The following CHD7 variants were observed in gnomAD, a reference collection of about 807,000 sequenced individuals.
CHD7 encodes the protein chromodomain helicase DNA binding protein 7.
In CHD7, 24 loss-of-function variants were observed where a neutral mutation model predicts 307.3. The observed-to-expected ratio is 0.08, with a 90% CI of 0.06 to 0.11. CHD7 has a LOEUF of 0.11. Among genes scored for constraint, CHD7 ranks in the 10% least tolerant of loss-of-function variants. The pLI is 1.00. For missense variants in CHD7, 3,106 were observed against 3,727.1 expected (o/e 0.83, Z 4.34); for synonymous variants, 1,363 against 1,349.9 (o/e 1.01, Z -0.21).
intron 8 of CHD7, among the ~76,000 whole-genome samples, chr8:60,818,272 A>C (rs1803839886): frequency 6.6e-6 from 1 of 152,228 alleles, no homozygotes; most frequent in Non-Finnish European, 1.5e-5. Flanking sequence ...GCCTGCTGCA[A>C]CTAAAAATGT....
intron 2 of CHD7, among the ~76,000 whole-genome samples, chr8:60,770,692 T>C (rs1302854101): frequency 1.3e-5 from 2 of 152,320 alleles, no homozygotes; most frequent in South Asian, 2.1e-4. Context: ...CTCCCTGTGA[T>C]GATTTACATG....
chr8:60,720,960 C>T (rs1475225995), intron 1 of CHD7, among the ~76,000 whole-genome samples: 1 of 152,204 alleles, frequency 6.6e-6, no homozygotes, highest in African/African-American at 2.4e-5. Flanking sequence ...CAGCCTGGAT[C>T]CTCATCAGTT....
At chr8:60,773,913 T>G (rs1403490767) in intron 2 of CHD7, among the ~76,000 whole-genome samples, 1 of 152,236 alleles carries the variant, frequency 6.6e-6, no homozygotes, top group African/African-American at 2.4e-5. Flanking sequence ...AGTTCGGAAC[T>G]AAACTAGAGT....
At chr8:60,847,777 G>A (rs1805279195) in intron 23 of CHD7, among the ~76,000 whole-genome samples, 1 of 151,920 alleles carries the variant, frequency 6.6e-6, no homozygotes, top group African/African-American at 2.4e-5. Flanking sequence ...TTAAAAAATC[G>A]ATTTCTTGAG....
At chr8:60,720,051 G>A (rs565343016) in intron 1 of CHD7, among the ~76,000 whole-genome samples, 1 of 152,276 alleles carries the variant, frequency 6.6e-6, no homozygotes, top group South Asian at 2.1e-4. Flanking sequence ...AGGTTGCAGA[G>A]TGTGAGCATA....
Position 60,853,483 on chromosome 8 carries a change from A to G in CHD7, c.6758A>G (p.Glu2253Gly), listed in dbSNP as rs1805571750. ...CTGGAGGATGACGATAAGTCGGAAG[A>G]GTCTTCCCAGCCCGAAGGTAAGGCC... ...EKLEDDDKSEESSQPEAGAVS... is the reference protein window; with the variant it reads ...EKLEDDDKSEGSSQPEAGAVS... Residue 2253 changes from glutamate (E) to glycine (G), a missense_variant, in exon 31 of 38, where the codon GAG (glutamate) becomes GGG (glycine). Around this residue, in one of 10 missense-constraint regions of CHD7, gnomAD observed 1,030 missense variants for 1,165.4 expected, o/e 0.88. Coordinates refer to ENST00000423902, the MANE Select transcript of CHD7 (RefSeq NM_017780.4). The G allele has an allele frequency of 1.3e-6, 2 of 1,514,176 alleles. No individual in the cohort carries two copies. 93.8% of individuals were successfully genotyped at this position (1,514,176 alleles called of 1,614,324 possible).
At chr8:60,761,392 A>G (rs1810197261) in intron 2 of CHD7, among the ~76,000 whole-genome samples, 2 of 151,526 alleles carry the variant, frequency 1.3e-5, no homozygotes, top group South Asian at 4.2e-4. Flanking sequence ...ACCTAATGCT[A>G]AATGACAAGT....
At chr8:60,707,855 A>G (rs1807092994) in intron 1 of CHD7, among the ~76,000 whole-genome samples, 1 of 152,204 alleles carries the variant, frequency 6.6e-6, no homozygotes, top group Admixed American at 6.5e-5. Context: ...TGTACCTTAA[A>G]TACAATTTTC....
At position 60,865,329 on chromosome 8, in the gene CHD7, C is replaced by T; in HGVS notation, c.8390C>T (p.Pro2797Leu). ...GDAKNPAAVL[P>L]LMLPGMAGLP... ...GCGAAGAACCCTGCTGCTGTGCTGCCCCTGATGCTGCCAGGAATGGCGGGC... is the reference window on the plus strand; with the variant it reads ...GCGAAGAACCCTGCTGCTGTGCTGCTCCTGATGCTGCCAGGAATGGCGGGC... The change falls in exon 38 of 38, where the codon CCC (proline) becomes CTC (leucine). Residue 2797 changes from proline to leucine, a missense_variant. Physicochemically the swap from Pro to Leu is moderately conservative, Grantham distance 98. This residue lies in a region of CHD7 where 351 missense variants were observed against 366.2 expected (regional missense o/e 0.96). Transcript: ENST00000423902. This position sits in a 1 kb window ranked among gnomAD's most constrained non-coding sequence, Gnocchi z 4.3. 6.2e-7 allele frequency: 1 copy of T among 1,612,356 alleles called. No homozygotes were observed. The highest frequency in any genetic ancestry group is 8.5e-7 in the Non-Finnish European group (1 of 1,179,384).
At chr8:60,790,371 TG>T (rs1406746560) in intron 3 of CHD7, among the ~76,000 whole-genome samples, 1 of 152,178 alleles carries the variant, frequency 6.6e-6, no homozygotes, top group Non-Finnish European at 1.5e-5. Flanking sequence ...TTATCAGTAA[TG>T]ATGTGAGATA....
intron 4 of CHD7, among the ~76,000 whole-genome samples, chr8:60,795,724 C>T (rs1165588582): frequency 1.3e-5 from 2 of 152,160 alleles, no homozygotes; most frequent in African/African-American, 2.4e-5. Flanking sequence ...CTGAAGTAAA[C>T]GTGAGGAATG....
In CHD7 at chr8:60,838,237, A is replaced by C. The variant is rs764834051; in HGVS notation, c.4515A>C (p.Lys1505Asn). 1 of 1,603,998 alleles carries C rather than the reference A, an allele frequency of 6.2e-7. No homozygotes were observed. The highest frequency in any genetic ancestry group is 8.5e-7 in the Non-Finnish European group (1 of 1,175,208). Residue 1505 changes from lysine to asparagine, a missense_variant, in exon 19 of 38, where the codon AAA becomes AAC. By Grantham distance (94) the Lys-to-Asn change is moderately conservative (BLOSUM62 0). Transcript: ENST00000423902. ...THTITIESEG[K>N]GSTFAKASFV... ...CCATTACCATTGAGTCAGAAGGGAA[A>C]GGTTCCACATTTGCTAAGGTGTGAA... is the stretch of plus-strand genomic sequence containing the variant.
intron 1 of CHD7, among the ~76,000 whole-genome samples, chr8:60,698,767 C>T (rs1435829127): frequency 1.3e-5 from 2 of 152,124 alleles, no homozygotes; most frequent in Non-Finnish European, 2.9e-5. Flanking sequence ...TATGACTTGA[C>T]TTTTCTTCTC....
intron 2 of CHD7, among the ~76,000 whole-genome samples, chr8:60,745,033 T>G (rs1017886526): frequency 6.7e-6 from 1 of 150,246 alleles, no homozygotes; most frequent in East Asian, 2.0e-4. Context: ...GCAGCTTCCC[T>G]GAAGACCTTG....
At chr8:60,698,462 G>A (rs1205275944) in intron 1 of CHD7, among the ~76,000 whole-genome samples, 1 of 152,204 alleles carries the variant, frequency 6.6e-6, no homozygotes, top group African/African-American at 2.4e-5. Flanking sequence ...TTAGAGGTTG[G>A]AGGAGGTAAT....
intron 4 of CHD7, among the ~76,000 whole-genome samples, 187 bp downstream of exon 4, chr8:60,795,314 C>T (rs1056501209): frequency 2.6e-5 from 4 of 152,156 alleles, no homozygotes; most frequent in Non-Finnish European, 4.4e-5. Flanking sequence ...AGAAATTATA[C>T]TCCTGACAAG....
chr8:60,850,280 T>C (rs1805394040), intron 25 of CHD7, among the ~76,000 whole-genome samples: 2 of 152,246 alleles, frequency 1.3e-5, no homozygotes, highest in South Asian at 4.1e-4. Flanking sequence ...GTAATTCTGA[T>C]AATATCCCTG....
chr8:60,714,857 G>A (rs1024267045), intron 1 of CHD7, among the ~76,000 whole-genome samples: 5 of 152,238 alleles, frequency 3.3e-5, no homozygotes, highest in Non-Finnish European at 7.3e-5. Context: ...AAAGGGGATG[G>A]TAATGCCTGT....
In CHD7 at chr8:60,865,145, G is replaced by A. The variant is rs1263339156; in HGVS notation, c.8206G>A (p.Ala2736Thr). 1.2e-6 allele frequency: 2 copies of A among 1,612,038 alleles called. No individual in the cohort carries two copies. The highest frequency in any genetic ancestry group is 1.7e-5 in the Admixed American group (1 of 59,792). ...ARAAAAAAAVASTSGINPLLV... is the reference protein window; with the variant it reads ...ARAAAAAAAVTSTSGINPLLV... Reference sequence around the variant, plus strand: ...AGCAGCCGCGGCCGCCGCTGCTGTGGCCTCCACGTCAGGGATCAACCCTTT... The same window carrying A: ...AGCAGCCGCGGCCGCCGCTGCTGTGACCTCCACGTCAGGGATCAACCCTTT... Residue 2736 changes from alanine to threonine, a missense_variant, in exon 38 of 38, where the codon GCC (alanine) becomes ACC (threonine). Physicochemically the swap from Ala to Thr is moderately conservative, Grantham distance 58. Transcript: ENST00000423902. This position sits in a 1 kb window ranked among gnomAD's most constrained non-coding sequence, Gnocchi z 4.3.
Sources: gnomAD v4.1 joint callset for allele counts (sites outside exome capture counted in the v4.1 genomes callset) on GRCh38, gnomAD v4.1.1 for gene constraint, gnomAD v4.1.1 regional missense constraint, Gnocchi (gnomAD v3.1) non-coding constraint, MANE v1.5 for transcripts, NCBI Gene and HGNC (gene_info 2026-07-23, HGNC 2026-07-21) for gene names.